The following BMPER variants were observed in gnomAD, a reference collection of about 807,000 sequenced individuals.
BMPER encodes the protein BMP binding endothelial regulator.
A neutral mutation model predicts 87.3 loss-of-function variants in BMPER; 45 were observed. The ratio of observed to expected loss-of-function variants is 0.52; its 90% CI spans 0.41 to 0.66. The LOEUF (loss-of-function observed/expected upper bound fraction) is 0.66, where lower values mean the gene tolerates loss of function less well. Ranked by LOEUF, BMPER falls within the 30% of genes least tolerant of loss-of-function variation. BMPER has a pLI of 0.00. For missense variants in BMPER, 784 were observed against 867.5 expected (o/e 0.90, Z 1.21); for synonymous variants, 326 against 316.2 (o/e 1.03, Z -0.33).
At chr7:34,019,766 T>C (rs1206841329) in intron 6 of BMPER, among the ~76,000 whole-genome samples, 1 of 151,856 alleles carries the variant, frequency 6.6e-6, no homozygotes, top group African/African-American at 2.4e-5. Flanking sequence ...AGAATGAAAG[T>C]CAACACACTA....
At chr7:34,103,733 T>G (rs1038449654) in intron 13 of BMPER, among the ~76,000 whole-genome samples, 1 of 152,114 alleles carries the variant, frequency 6.6e-6, no homozygotes, top group African/African-American at 2.4e-5. Context: ...AATACAAGGG[T>G]AGCATCAGGG....
chr7:33,992,752 G>A (rs1418596572), intron 6 of BMPER, among the ~76,000 whole-genome samples: 1 of 149,222 alleles, frequency 6.7e-6, no homozygotes, highest in African/African-American at 2.5e-5. Flanking sequence ...GCAGCGGCTG[G>A]TACCGGTTGC....
At chr7:34,076,320 C>A (rs1395964256) in intron 11 of BMPER, among the ~76,000 whole-genome samples, 1 of 152,090 alleles carries the variant, frequency 6.6e-6, no homozygotes, top group Non-Finnish European at 1.5e-5. Flanking sequence ...CAAAAAATAA[C>A]AACGAATAAA....
intron 6 of BMPER, among the ~76,000 whole-genome samples, chr7:34,034,518 A>G (rs1310958027): frequency 6.6e-6 from 1 of 152,118 alleles, no homozygotes; most frequent in Non-Finnish European, 1.5e-5. Context: ...CACAGCCACT[A>G]CTTCCACCAT....
At chr7:34,061,951 T>TTTTG in intron 10 of BMPER, 51 bp from the exon 11 acceptor site, 1 of 652,306 alleles carries the variant, frequency 1.5e-6, no homozygotes, top group Admixed American at 4.6e-5. Flanking sequence ...GGAGACCCTG[T>TTTTG]TTTTTTTTTT....
intron 6 of BMPER, among the ~76,000 whole-genome samples, chr7:34,000,107 CAT>C (rs1244958380): frequency 6.6e-6 from 1 of 152,158 alleles, no homozygotes; most frequent in Non-Finnish European, 1.5e-5. Context: ...GTAATAATCA[CAT>C]GTCGAGTGCA....
intron 13 of BMPER, among the ~76,000 whole-genome samples, chr7:34,131,354 A>G (rs1790583675): frequency 6.6e-6 from 1 of 152,128 alleles, no homozygotes; most frequent in Non-Finnish European, 1.5e-5. Flanking sequence ...TGGGATGTGA[A>G]TGCTGGTTTA....
rs533090431 is a variant in BMPER at position 34,035,401 on chromosome 7, C to A, written c.577-10905C>A. Among the ~76,000 whole-genome samples, 167 of 152,134 alleles carry A rather than the reference C, an allele frequency of 1.1e-3. 1 individual carries two copies. The highest frequency in any genetic ancestry group is 3.9e-3 in the African/African-American group (163 of 41,510). The stretch of plus-strand genomic sequence containing the variant: ...CTCAAATGTATATTGAAAGGGTGAA[C>A]AAAAAGGATGCCGTGACTTCAATTG... On this transcript the variant is annotated intron_variant, in intron 6 of 14. Coordinates refer to ENST00000649409, the MANE Select transcript of BMPER (RefSeq NM_001365308.1).
chr7:33,959,183 T>G (rs1469950820), intron 3 of BMPER, among the ~76,000 whole-genome samples: 2 of 152,198 alleles, frequency 1.3e-5, no homozygotes, highest in Non-Finnish European at 1.5e-5. Flanking sequence ...TTAATACAAG[T>G]GCTTTTATGA....
rs1027467919 is a variant in BMPER at position 34,132,415 on chromosome 7, C to T, written c.1746-10815C>T. Reference sequence around the variant, plus strand: ...CACCACACCCCAAAGGCCCCAGGATCGAAGCCAGTTCTGCCCTGCTCTCCC... The same window carrying T: ...CACCACACCCCAAAGGCCCCAGGATTGAAGCCAGTTCTGCCCTGCTCTCCC... On this transcript the variant is annotated intron_variant, in intron 13 of 14. Transcript: ENST00000649409. 2.6e-5 allele frequency among the ~76,000 whole-genome samples: 4 copies of T among 152,176 alleles called. No individual in the cohort carries two copies. The East Asian group carries it at 5.8e-4, about 22-fold the overall frequency.
chr7:33,911,733 G>C (rs1229599245), intron 2 of BMPER, among the ~76,000 whole-genome samples: 1 of 152,132 alleles, frequency 6.6e-6, no homozygotes, highest in African/African-American at 2.4e-5. Flanking sequence ...TCAACATCTA[G>C]TTCACAGAGT....
chr7:33,951,047 G>A (rs1419270470), intron 3 of BMPER, among the ~76,000 whole-genome samples: 2 of 151,200 alleles, frequency 1.3e-5, no homozygotes, highest in East Asian at 4.0e-4. Context: ...TTCTCCTGGT[G>A]GGACTTTTTT....
At chr7:34,097,264 G>A (rs1025880970) in intron 13 of BMPER, among the ~76,000 whole-genome samples, 3 of 152,224 alleles carry the variant, frequency 2.0e-5, no homozygotes, top group Admixed American at 1.3e-4. Flanking sequence ...ATGGAGGCTA[G>A]GGAGAGCCTG....
At chr7:34,152,998 G>T in intron 14 of BMPER, 94 bp from the exon 15 acceptor site, 3 of 1,400,000 alleles carry the variant, frequency 2.1e-6, no homozygotes, top group Non-Finnish European at 3.0e-6. Context: ...AAACGTCCAT[G>T]AAGTGTCATG....
At chr7:34,099,692 C>A (rs1221997960) in intron 13 of BMPER, among the ~76,000 whole-genome samples, 3 of 152,174 alleles carry the variant, frequency 2.0e-5, no homozygotes, top group Admixed American at 2.0e-4. Flanking sequence ...AGGCTGAATT[C>A]ATCATGGAAT....
intron 13 of BMPER, among the ~76,000 whole-genome samples, chr7:34,116,994 A>G (rs537801416): frequency 6.6e-6 from 1 of 151,940 alleles, no homozygotes; most frequent in Admixed American, 6.6e-5. Context: ...TGTCTCCGAA[A>G]AAAAAAAAAG....
At chr7:33,909,091 TTTTTA>T (rs975901230) in intron 2 of BMPER, among the ~76,000 whole-genome samples, 1 of 152,216 alleles carries the variant, frequency 6.6e-6, no homozygotes, top group African/African-American at 2.4e-5. Context: ...ATGTGTACTA[TTTTTA>T]TTTTATTTTA....
intron 13 of BMPER, among the ~76,000 whole-genome samples, chr7:34,108,776 GA>G (rs1388824422): frequency 3.9e-5 from 6 of 152,284 alleles, no homozygotes; most frequent in East Asian, 1.9e-4. Context: ...ATTGCAATGG[GA>G]AAACCCCTAA....
chr7:33,974,901 C>A, intron 6 of BMPER, 117 bp downstream of exon 6: 2 of 1,028,712 alleles, frequency 1.9e-6, no homozygotes, highest in Non-Finnish European at 3.0e-6. Context: ...GGTAAAAGTC[C>A]GTCCCTCCTG....
Sources: gnomAD v4.1 joint callset for allele counts (sites outside exome capture counted in the v4.1 genomes callset) on GRCh38, gnomAD v4.1.1 for gene constraint, MANE v1.5 for transcripts, NCBI Gene and HGNC (gene_info 2026-07-23, HGNC 2026-07-21) for gene names.